GPI: variants seen among roughly 807,000 people sequenced by gnomAD.
GPI encodes glucose-6-phosphate isomerase.
A neutral mutation model predicts 75.8 loss-of-function variants in GPI; 56 were observed. The ratio of observed to expected loss-of-function variants is 0.74; its 90% CI spans 0.60 to 0.92. The LOEUF is 0.92. Ranked by LOEUF, GPI falls within the 40% of genes least tolerant of loss-of-function variation. The pLI, the probability that GPI is intolerant of heterozygous loss-of-function variation, is 0.00. For synonymous variants in GPI, 288 were observed against 285.4 expected, an observed-to-expected ratio of 1.01 and a Z score of -0.09; for missense variants, 638 against 741.0, an observed-to-expected ratio of 0.86 and a Z score of 1.61.
At chr19:34,365,154 G>A (rs2145311090), upstream of GPI, 3 of 1,232,402 alleles carry the variant, frequency 2.4e-6, no homozygotes, top group Non-Finnish European at 3.0e-6. Context: ...GGGCCGGGCC[G>A]GGCGCCTGCG....
At chr19:34,390,372 C>A (rs75257591) in intron 9 of GPI, among the ~76,000 whole-genome samples, 7 of 152,054 alleles carry the variant, frequency 4.6e-5, no homozygotes, top group African/African-American at 1.7e-4. Context: ...AGGAAGCATA[C>A]CTGGGCACAA....
At chr19:34,361,751 T>A (rs144511794), upstream of GPI, among the ~76,000 whole-genome samples, 2 of 150,974 alleles carry the variant, frequency 1.3e-5, no homozygotes, top group African/African-American at 4.9e-5. Flanking sequence ...GAAGCCGAGG[T>A]GGGTGGATTA....
At chr19:34,384,102 A>G (rs1484491398) in intron 9 of GPI, among the ~76,000 whole-genome samples, 1 of 152,176 alleles carries the variant, frequency 6.6e-6, no homozygotes, top group Non-Finnish European at 1.5e-5. Context: ...ATAGGCAGAC[A>G]GGTCGAGCTG....
At chr19:34,389,273 C>T (rs563628693) in intron 9 of GPI, among the ~76,000 whole-genome samples, 2 of 152,278 alleles carry the variant, frequency 1.3e-5, no homozygotes, top group South Asian at 4.1e-4. Context: ...CTCGGCCACA[C>T]TGGAGAGCTC....
At chr19:34,361,756 G>GGATT (rs2074302746), upstream of GPI, among the ~76,000 whole-genome samples, 1 of 152,006 alleles carries the variant, frequency 6.6e-6, no homozygotes, top group African/African-American at 2.4e-5. Context: ...CGAGGTGGGT[G>GGATT]GATTACCTTA....
intron 5 of GPI, 59 bp downstream of exon 5, chr19:34,377,645 G>A (rs548877686): frequency 1.9e-6 from 3 of 1,582,700 alleles, no homozygotes; most frequent in Non-Finnish European, 2.6e-6. Flanking sequence ...GTCCCACTCA[G>A]GTCTTTACTT....
chr19:34,377,965 A>G lies in GPI; in HGVS notation c.633+84A>G, dbSNP rs1432804028. 24 of 1,436,948 alleles carry G rather than the reference A, an allele frequency of 1.7e-5. No homozygotes were observed. The Admixed American group carries it at 3.9e-4, about 23-fold the overall frequency. The allele number at this position is 1,436,948 out of a possible 1,614,324, so 89.0% of individuals were successfully genotyped here. ...CAGCTGTCTTGCCATCCCCCTGGCC[A>G]TTGGTCCCTTTTGGTGGGTTCCGAG... On this transcript the variant is annotated intron_variant, in intron 6 of 17. Coordinates refer to ENST00000356487, the MANE Select transcript of GPI (RefSeq NM_000175.5).
chr19:34,365,060 G>C (rs955259725), upstream of GPI: 4 of 1,491,368 alleles, frequency 2.7e-6, no homozygotes, highest in Non-Finnish European at 3.6e-6. Flanking sequence ...AGCGGCCGCG[G>C]GCAAGGTCGC....
At chr19:34,371,284 C>G (rs899762800) in intron 4 of GPI, among the ~76,000 whole-genome samples, 1 of 152,226 alleles carries the variant, frequency 6.6e-6, no homozygotes, top group Non-Finnish European at 1.5e-5. Context: ...CAAAGTTTGC[C>G]AAGATTGGGT....
At chr19:34,387,159 C>G (rs2145394742) in intron 9 of GPI, among the ~76,000 whole-genome samples, 1 of 152,312 alleles carries the variant, frequency 6.6e-6, no homozygotes, top group South Asian at 2.1e-4. Context: ...CCTGGTCTAT[C>G]AGCTGAGATG....
chr19:34,364,725 A>G (rs894729444), upstream of GPI: 1 of 403,034 alleles, frequency 2.5e-6, no homozygotes. Context: ...CACCCTTTTC[A>G]TCTTGGTTTT....
chr19:34,382,220 A>G (rs546018782), intron 9 of GPI, among the ~76,000 whole-genome samples: 15 of 152,304 alleles, frequency 9.8e-5, no homozygotes, highest in Admixed American at 3.3e-4. Flanking sequence ...GGCCGGGCTT[A>G]CGTGCAGGGC....
upstream of GPI, chr19:34,363,485 A>T (rs2074314286): frequency 6.6e-6 from 1 of 152,100 alleles, no homozygotes; most frequent in African/African-American, 2.4e-5. Context: ...TTCTGTGTAG[A>T]TGAGTAACTG....
At chr19:34,374,467 G>C (rs759548371) in intron 4 of GPI, among the ~76,000 whole-genome samples, 5 of 152,102 alleles carry the variant, frequency 3.3e-5, no homozygotes, top group East Asian at 1.9e-4. Flanking sequence ...TCCACACACA[G>C]ATACCCCACT....
At chr19:34,373,190 C>T (rs1015590867) in intron 4 of GPI, among the ~76,000 whole-genome samples, 1 of 151,614 alleles carries the variant, frequency 6.6e-6, no homozygotes, top group Admixed American at 6.6e-5. Flanking sequence ...AGTTTGAGAC[C>T]AGCCTGGCCT....
At chr19:34,371,412 C>G (rs571439629) in intron 4 of GPI, among the ~76,000 whole-genome samples, 2 of 152,054 alleles carry the variant, frequency 1.3e-5, no homozygotes, top group Non-Finnish European at 2.9e-5. Context: ...ATCCTGGGCA[C>G]CAATAGGGAT....
At chr19:34,363,113 C>T (rs959228158), upstream of GPI, among the ~76,000 whole-genome samples, 7 of 152,006 alleles carry the variant, frequency 4.6e-5, no homozygotes, top group African/African-American at 1.2e-4. Context: ...GATGAAACCT[C>T]GTCTGTACAA....
At chr19:34,375,906 G>C (rs1361104376) in intron 4 of GPI, among the ~76,000 whole-genome samples, 1 of 152,210 alleles carries the variant, frequency 6.6e-6, no homozygotes, top group Non-Finnish European at 1.5e-5. Flanking sequence ...GATCACTGGT[G>C]TCTGATTGGA....
At chr19:34,396,455 G>T in intron 13 of GPI, 25 bp downstream of exon 13, 1 of 1,613,914 alleles carries the variant, frequency 6.2e-7, no homozygotes, top group Non-Finnish European at 8.5e-7. Context: ...CCTGGGAAGG[G>T]TGATGTTGGG....
Sources: allele counts gnomAD v4.1 joint callset (sites outside exome capture counted in the v4.1 genomes callset), GRCh38; gene constraint gnomAD v4.1.1; transcripts MANE v1.5; gene names NCBI Gene and HGNC (gene_info 2026-07-23, HGNC 2026-07-21).